KCNIP4: variants seen among roughly 807,000 people sequenced by gnomAD.
KCNIP4 encodes the protein potassium voltage-gated channel interacting protein 4, also known as Kv channel-interacting protein 4.
KCNIP4 carries 12 observed loss-of-function variants against 34.0 expected under a neutral mutation model. The observed-to-expected ratio is 0.35, with a 90% CI of 0.23 to 0.57. KCNIP4 has a LOEUF of 0.57. Among genes scored for constraint, KCNIP4 ranks in the 20% least tolerant of loss-of-function variants. The pLI is 0.83. For missense variants in KCNIP4, 238 were observed against 311.7 expected, an observed-to-expected ratio of 0.76 and a Z score of 1.78; for synonymous variants, 124 against 102.2, an observed-to-expected ratio of 1.21 and a Z score of -1.29.
At chr4:20,892,243 G>C (rs1048219690) in intron 1 of KCNIP4, among the ~76,000 whole-genome samples, 3 of 152,174 alleles carry the variant, frequency 2.0e-5, no homozygotes, top group African/African-American at 7.2e-5. Context: ...GCAACTAGAA[G>C]GTGCTTGAAT....
chr4:21,859,405 G>T (rs1366392275), intron 1 of KCNIP4, among the ~76,000 whole-genome samples: 1 of 151,532 alleles, frequency 6.6e-6, no homozygotes, highest in South Asian at 2.1e-4. Context: ...TCAGGAGATC[G>T]AGACCATCCT....
intron 1 of KCNIP4, among the ~76,000 whole-genome samples, chr4:21,855,238 G>T (rs1165989139): frequency 1.3e-5 from 2 of 152,192 alleles, no homozygotes; most frequent in African/African-American, 4.8e-5. Flanking sequence ...TAGCATGACA[G>T]TCTACATAAG....
intron 1 of KCNIP4, among the ~76,000 whole-genome samples, chr4:21,055,823 C>A (rs76619348): frequency 6.6e-6 from 1 of 152,060 alleles, no homozygotes; most frequent in Non-Finnish European, 1.5e-5. Context: ...GGATTATTAA[C>A]GAAGTAAAAA....
chr4:21,191,887 TGTTA>T (rs1337453800), intron 1 of KCNIP4, among the ~76,000 whole-genome samples: 1 of 152,178 alleles, frequency 6.6e-6, no homozygotes, highest in African/African-American at 2.4e-5. Context: ...TCCTTGTTTG[TGTTA>T]GTATTTTGAT....
At chr4:20,984,150 T>TCC (rs113031010) in intron 1 of KCNIP4, 3 of 587,428 alleles carry the variant, frequency 5.1e-6, no homozygotes, top group Non-Finnish European at 8.5e-6. Context: ...TGGCGGGGCT[T>TCC]CCCCCCTGCT....
At chr4:21,814,016 T>C (rs1721819978) in intron 1 of KCNIP4, among the ~76,000 whole-genome samples, 1 of 152,180 alleles carries the variant, frequency 6.6e-6, no homozygotes, top group African/African-American at 2.4e-5. Context: ...ACATGAAGCA[T>C]TTCATGTAAC....
chr4:21,410,816 C>A (rs946105687), intron 1 of KCNIP4, among the ~76,000 whole-genome samples: 1 of 152,100 alleles, frequency 6.6e-6, no homozygotes, highest in African/African-American at 2.4e-5. Flanking sequence ...AGAAATTTAT[C>A]CTATGTTTTC....
chr4:21,171,831 C>A (rs1235045145), intron 1 of KCNIP4, among the ~76,000 whole-genome samples: 1 of 152,122 alleles, frequency 6.6e-6, no homozygotes, highest in Non-Finnish European at 1.5e-5. Flanking sequence ...TGGTAGCTCT[C>A]AACAGCCTCC....
At chr4:20,910,313 T>C (rs1728210486) in intron 1 of KCNIP4, among the ~76,000 whole-genome samples, 1 of 151,860 alleles carries the variant, frequency 6.6e-6, no homozygotes, top group South Asian at 2.1e-4. Context: ...ATCTGTTACT[T>C]GAAGGGGAGG....
At chr4:21,771,158 T>C (rs549012737) in intron 1 of KCNIP4, among the ~76,000 whole-genome samples, 27 of 152,354 alleles carry the variant, frequency 1.8e-4, no homozygotes, top group African/African-American at 6.3e-4. Context: ...TTTCTGCATA[T>C]GGCTAGCCAG....
At chr4:21,232,633 G>A (rs953137178) in intron 1 of KCNIP4, among the ~76,000 whole-genome samples, 1 of 152,122 alleles carries the variant, frequency 6.6e-6, no homozygotes, top group African/African-American at 2.4e-5. Flanking sequence ...ATTCATTGCT[G>A]ATGAAATTAT....
intron 1 of KCNIP4, among the ~76,000 whole-genome samples, chr4:21,588,218 A>T (rs78335064): frequency 0.034 from 5,216 of 152,164 alleles, 156 homozygotes; most frequent in Admixed American, 0.056. Flanking sequence ...ATCTATGTAG[A>T]TAGTGGTCAG....
At chr4:21,260,164 T>C (rs1387579690) in intron 1 of KCNIP4, among the ~76,000 whole-genome samples, 1 of 147,330 alleles carries the variant, frequency 6.8e-6, no homozygotes, top group Non-Finnish European at 1.5e-5. Flanking sequence ...GGTCTTTCTA[T>C]TTAGGAAAGA....
rs1578037723 is a variant in KCNIP4 at position 21,295,983 on chromosome 4, T to G, written c.62-413274A>C. On this transcript the variant is annotated intron_variant, in intron 1 of 8. Transcript: ENST00000382152. Reference sequence around the variant, plus strand: ...ACAACTACTTTGATTCTTATTTTTGTAGCATTTACGGTTTGTATCTCAAAA... The same window carrying G: ...ACAACTACTTTGATTCTTATTTTTGGAGCATTTACGGTTTGTATCTCAAAA... 3.3e-5 allele frequency among the ~76,000 whole-genome samples: 5 copies of G among 152,150 alleles called. No homozygotes were observed. The South Asian group carries it at 1.0e-3, about 32-fold the overall frequency.
intron 3 of KCNIP4, among the ~76,000 whole-genome samples, chr4:20,792,176 C>T (rs1332768471): frequency 1.3e-5 from 2 of 152,106 alleles, no homozygotes; most frequent in African/African-American, 2.4e-5. Flanking sequence ...GAGTTTGAGA[C>T]CAGCCTGGCC....
At chr4:21,020,627 A>G (rs528529735) in intron 1 of KCNIP4, among the ~76,000 whole-genome samples, 1 of 152,246 alleles carries the variant, frequency 6.6e-6, no homozygotes, top group East Asian at 1.9e-4. Context: ...TTGCTTTTTA[A>G]AAACAATTAC....
chr4:21,440,279 T>A (rs1015018292), intron 1 of KCNIP4, among the ~76,000 whole-genome samples: 4 of 152,238 alleles, frequency 2.6e-5, no homozygotes, highest in Non-Finnish European at 5.9e-5. Context: ...AACCTTTACA[T>A]GTGTTCACTG....
intron 1 of KCNIP4, among the ~76,000 whole-genome samples, chr4:20,919,152 G>C (rs1729132603): frequency 6.6e-6 from 1 of 152,136 alleles, no homozygotes; most frequent in Non-Finnish European, 1.5e-5. Flanking sequence ...TTTACAACTT[G>C]ACATGCCTTA....
intron 1 of KCNIP4, among the ~76,000 whole-genome samples, chr4:21,348,529 CA>C (rs1429305645): frequency 6.6e-6 from 1 of 152,164 alleles, no homozygotes; most frequent in Non-Finnish European, 1.5e-5. Context: ...AGCCTGTATA[CA>C]ACATAACAGT....
Sources: allele counts gnomAD v4.1 joint callset (sites outside exome capture counted in the v4.1 genomes callset), GRCh38; gene constraint gnomAD v4.1.1; transcripts MANE v1.5; gene names NCBI Gene and HGNC (gene_info 2026-07-23, HGNC 2026-07-21).